Variants in VTI1A observed in about 807,000 individuals in gnomAD.
The protein encoded by VTI1A is vesicle transport through interaction with t-SNAREs 1A, also known as vesicle transport through interaction with t-SNAREs homolog 1A.
Under a neutral mutation model 34.9 loss-of-function variants are expected in VTI1A, and 22 were observed. That is an observed-to-expected ratio of 0.63 (90% confidence interval 0.45 to 0.90). VTI1A has a LOEUF of 0.90. VTI1A is among the 40% of genes least tolerant of loss of function. VTI1A has a pLI of 0.00. For missense variants in VTI1A, 268 were observed against 275.6 expected (o/e 0.97, Z 0.20); for synonymous variants, 87 against 97.3 (o/e 0.89, Z 0.62).
chr10:112,455,427 CCCTTCTTCCCT>C (rs1356881107), intron 1 of VTI1A, among the ~76,000 whole-genome samples: 1 of 628 alleles, frequency 1.6e-3, no homozygotes, highest in African/African-American at 5.7e-3. Flanking sequence ...CTTCCCCCTT[CCCTTCTTCCCT>C]CCTTCCCTCC....
chr10:112,792,562 C>T (rs1261576405), intron 7 of VTI1A, among the ~76,000 whole-genome samples: 4 of 152,144 alleles, frequency 2.6e-5, no homozygotes, highest in African/African-American at 7.2e-5. Context: ...GTTTTATGAG[C>T]ATTGGAATTT....
At chr10:112,683,795 C>A (rs960248216) in intron 7 of VTI1A, among the ~76,000 whole-genome samples, 12 of 152,278 alleles carry the variant, frequency 7.9e-5, no homozygotes, top group African/African-American at 2.6e-4. Flanking sequence ...TTAATCCCAG[C>A]ACTTTGGGAG....
At chr10:112,485,610 G>A (rs549224898) in intron 3 of VTI1A, among the ~76,000 whole-genome samples, 14 of 152,168 alleles carry the variant, frequency 9.2e-5, no homozygotes, top group Non-Finnish European at 2.1e-4. Flanking sequence ...ATACTGACAG[G>A]TCCGGTTCAT....
chr10:112,460,614 C>A, intron 2 of VTI1A, 32 bp downstream of exon 2: 1 of 1,534,744 alleles, frequency 6.5e-7, no homozygotes, highest in South Asian at 1.3e-5. Context: ...TTTTAACACA[C>A]AGCCAGAGCC....
chr10:112,538,226 T>TC lies in VTI1A; in HGVS notation c.343-15dup, dbSNP rs771937230. 2.4e-5 allele frequency: 38 copies of TC among 1,604,512 alleles called. No individual in the cohort carries two copies. Among genetic ancestry groups the TC allele is most frequent in the Non-Finnish European group, 2.9e-5 (34 of 1,175,292 alleles). ...TGTAGACGGCCGTCTGATTTTTTTTTCCCCCTTTTTCTTTTTCAGAGGGCA... is the reference window on the plus strand; with the variant it reads ...TGTAGACGGCCGTCTGATTTTTTTTTCCCCCCTTTTTCTTTTTCAGAGGGCA... On this transcript the variant is annotated intron_variant, in intron 4 of 7. Transcript: ENST00000393077.
chr10:112,486,364 C>T (rs780782493), intron 3 of VTI1A, among the ~76,000 whole-genome samples: 17 of 152,100 alleles, frequency 1.1e-4, no homozygotes, highest in East Asian at 3.9e-4. Flanking sequence ...ACTTGTTTCA[C>T]CTACCTCACA....
chr10:112,467,387 C>G (rs985636658), intron 3 of VTI1A, among the ~76,000 whole-genome samples: 1 of 152,024 alleles, frequency 6.6e-6, no homozygotes, highest in Non-Finnish European at 1.5e-5. Flanking sequence ...AATTTTTTAG[C>G]TTACCTGGGC....
intron 5 of VTI1A, among the ~76,000 whole-genome samples, chr10:112,610,640 G>A (rs1845260793): frequency 6.6e-6 from 1 of 152,214 alleles, no homozygotes; most frequent in Non-Finnish European, 1.5e-5. Context: ...CATTCGGCCG[G>A]GCGCGGTGGC....
rs1220981856 is a variant in VTI1A at position 112,545,987 on chromosome 10, T to TATACGTGTATACGCGTATGTGTGTGC, written c.427+7660_427+7661insCGTGTATACGCGTATGTGTGTGCATA. 1.9e-3 allele frequency among the ~76,000 whole-genome samples: 277 copies of TATACGTGTATACGCGTATGTGTGTGC among 142,360 alleles called. 9 individuals carry two copies. The highest frequency in any genetic ancestry group is 3.0e-3 in the Non-Finnish European group (199 of 66,198). 93.4% of individuals were successfully genotyped at this position (142,360 alleles called of 152,430 possible). A position where few individuals can be genotyped will look rare whatever the true frequency, so the allele number is the denominator to read the frequency against. On this transcript the variant is annotated intron_variant, in intron 5 of 7. Coordinates refer to ENST00000393077, the MANE Select transcript of VTI1A (RefSeq NM_145206.4). ...ATACGTGTATACACGTATGTGTGTG[T>TATACGTGTATACGCGTATGTGTGTGC]ATATACGTGTATACGCGTATGTGTG... is the stretch of plus-strand genomic sequence containing the variant.
intron 4 of VTI1A, among the ~76,000 whole-genome samples, chr10:112,533,265 G>A: frequency 6.6e-6 from 1 of 151,920 alleles, no homozygotes; most frequent in Non-Finnish European, 1.5e-5. Context: ...TTTCATGATG[G>A]TGTCTTAGAT....
intron 5 of VTI1A, among the ~76,000 whole-genome samples, chr10:112,565,624 G>A (rs961971999): frequency 6.6e-6 from 1 of 152,080 alleles, no homozygotes; most frequent in Non-Finnish European, 1.5e-5. Flanking sequence ...TCCTCATGCT[G>A]TATTATACTT....
intron 7 of VTI1A, among the ~76,000 whole-genome samples, chr10:112,697,389 CTTTTCTTTTCTT>C (rs1848829801): frequency 7.2e-6 from 1 of 138,332 alleles, no homozygotes; most frequent in African/African-American, 2.9e-5. Flanking sequence ...CTTTTCTTTT[CTTTTCTTTTCTT>C]TTTTTTTTTT....
chr10:112,696,201 T>C (rs575815182), intron 7 of VTI1A, among the ~76,000 whole-genome samples: 1 of 152,196 alleles, frequency 6.6e-6, no homozygotes, highest in East Asian at 1.9e-4. Context: ...CTATTTTCTA[T>C]AAAGTGGAAT....
chr10:112,549,021 T>G (rs1851245013), intron 5 of VTI1A: 5 of 599,636 alleles, frequency 8.3e-6, no homozygotes, highest in Non-Finnish European at 1.5e-5. Flanking sequence ...ATTTTGAGTG[T>G]TCACTGTGCC....
At chr10:112,815,223 C>G in intron 7 of VTI1A, 67 bp from the exon 8 acceptor site, 1 of 1,333,100 alleles carries the variant, frequency 7.5e-7, no homozygotes, top group Non-Finnish European at 1.1e-6. Flanking sequence ...AACCTGGCCT[C>G]GGACGGCGTT....
chr10:112,574,520 G>T (rs2134376078), intron 5 of VTI1A, among the ~76,000 whole-genome samples: 1 of 152,300 alleles, frequency 6.6e-6, no homozygotes, highest in South Asian at 2.1e-4. Flanking sequence ...AATAGACCTG[G>T]ATTTAAATCC....
chr10:112,564,152 G>C lies in VTI1A; in HGVS notation c.427+25822G>C, dbSNP rs1476857088. On this transcript the variant is annotated intron_variant, in intron 5 of 7. Transcript: ENST00000393077. Reference sequence around the variant, plus strand: ...TTTTTTAATTGACAAATCTGACCTTGAGGGAGAGAAAAAATAAATGCAACC... The same window carrying C: ...TTTTTTAATTGACAAATCTGACCTTCAGGGAGAGAAAAAATAAATGCAACC... Among the ~76,000 whole-genome samples the C allele has an allele frequency of 2.0e-5, 3 of 149,456 alleles. No homozygotes were observed. In the East Asian group the frequency reaches 5.8e-4, roughly 29 times the overall value.
At chr10:112,626,082 T>G (rs1845913632) in intron 5 of VTI1A, among the ~76,000 whole-genome samples, 2 of 151,994 alleles carry the variant, frequency 1.3e-5, no homozygotes, top group Non-Finnish European at 2.9e-5. Flanking sequence ...TTTTTTTTTG[T>G]AATGATTTCG....
intron 7 of VTI1A, among the ~76,000 whole-genome samples, chr10:112,700,054 G>T (rs1481492581): frequency 1.2e-4 from 18 of 145,890 alleles, no homozygotes; most frequent in Non-Finnish European, 2.2e-4. Context: ...GGAGGCAGAG[G>T]TTGCAGTGAG....
Sources: gnomAD v4.1 joint callset for allele counts (sites outside exome capture counted in the v4.1 genomes callset) on GRCh38, gnomAD v4.1.1 for gene constraint, MANE v1.5 for transcripts, NCBI Gene and HGNC (gene_info 2026-07-23, HGNC 2026-07-21) for gene names.